Variants in SETD7 observed in about 807,000 individuals in gnomAD.
SETD7 encodes the protein histone-lysine N-methyltransferase SETD7.
SETD7 carries 16 observed loss-of-function variants against 41.8 expected under a neutral mutation model. The observed-to-expected ratio is 0.38, with a 90% confidence interval of 0.26 to 0.58. SETD7 has a LOEUF of 0.58. SETD7 is among the 20% of genes least tolerant of loss of function. The pLI is 0.64. For missense variants in SETD7, 346 were observed against 459.7 expected, an observed-to-expected ratio of 0.75 and a Z score of 2.26; for synonymous variants, 163 against 169.7, an observed-to-expected ratio of 0.96 and a Z score of 0.31.
Position 139,511,226 on chromosome 4 carries a change from G to GT in SETD7, c.*436dup, listed in dbSNP as rs1726861682. ...ACTACATTTAGAGAATAAAGATGTA[G>GT]TAATTGTCAACCCTTAATACGGCAC... On this transcript the variant is annotated 3_prime_UTR_variant, in exon 8 of 8. Coordinates refer to ENST00000274031, the MANE Select transcript of SETD7 (RefSeq NM_030648.4). 1 of 181,836 alleles carries GT rather than the reference G, an allele frequency of 5.5e-6. No homozygotes were observed. Among genetic ancestry groups the GT allele is most frequent in the Non-Finnish European group, 1.1e-5 (1 of 88,452 alleles). The allele number at this position is 181,836 out of a possible 1,614,324, so 11.3% of individuals were successfully genotyped here.
chr4:139,502,168 A>G (rs1726593904), downstream of SETD7, among the ~76,000 whole-genome samples: 1 of 152,228 alleles, frequency 6.6e-6, no homozygotes, highest in African/African-American at 2.4e-5. Context: ...CTCTACGAGT[A>G]TTTATTGAGT....
intron 7 of SETD7, among the ~76,000 whole-genome samples, chr4:139,513,419 C>CAAAAAAAAA (rs201888132): frequency 2.6e-4 from 22 of 83,368 alleles, no homozygotes; most frequent in Non-Finnish European, 4.8e-4. Context: ...GACTTTGTCT[C>CAAAAAAAAA]AAAAAAAAAA....
chr4:139,548,476 CA>C (rs1259826529), intron 1 of SETD7, among the ~76,000 whole-genome samples: 24 of 151,950 alleles, frequency 1.6e-4, no homozygotes, highest in Non-Finnish European at 3.2e-4. Flanking sequence ...ACTAAAAATA[CA>C]AAAAATTAGC....
At chr4:139,549,526 T>TCCTTCCTTCCTTCCTTCCTC (rs1198528749) in intron 1 of SETD7, among the ~76,000 whole-genome samples, 24 of 151,730 alleles carry the variant, frequency 1.6e-4, no homozygotes, top group Admixed American at 1.4e-3. Context: ...CTTCCTTCCT[T>TCCTTCCTTCCTTCCTTCCTC]CCTCCCTTTT....
At position 139,511,544 on chromosome 4, in the gene SETD7, C is replaced by A; in HGVS notation, c.*119G>T. 1 of 1,562,736 alleles carries A rather than the reference C, an allele frequency of 6.4e-7. No homozygotes were observed. The highest frequency in any genetic ancestry group is 8.6e-7 in the Non-Finnish European group (1 of 1,160,648). ...GTATGCGAGAAAGTCGTTGCTAACG[C>A]ATGGTGAGAGGATGTGACGTCACAG... On this transcript the variant is annotated 3_prime_UTR_variant, in exon 8 of 8. Coordinates refer to ENST00000274031, the MANE Select transcript of SETD7 (RefSeq NM_030648.4).
At position 139,519,009 on chromosome 4, in the gene SETD7, G is replaced by A. The variant is rs547675272; in HGVS notation, c.763-967C>T. Among the ~76,000 whole-genome samples the A allele has an allele frequency of 4.3e-4, 66 of 152,330 alleles. 1 individual carries two copies. The South Asian group carries it at 7.0e-3, about 16-fold the overall frequency. On this transcript the variant is annotated intron_variant, in intron 6 of 7. Coordinates refer to ENST00000274031, the MANE Select transcript of SETD7 (RefSeq NM_030648.4). ...ATTGTAATTGTGCTTTTATTCATAT[G>A]TGATAGTCCCTCAACTGATGTTTAC...
intron 1 of SETD7, among the ~76,000 whole-genome samples, chr4:139,551,714 T>C (rs1312012174): frequency 1.3e-5 from 2 of 152,098 alleles, no homozygotes; most frequent in African/African-American, 2.4e-5. Flanking sequence ...CACTAGAACA[T>C]TGCTTTAAAA....
At chr4:139,545,925 G>A (rs1727931005) in intron 2 of SETD7, among the ~76,000 whole-genome samples, 2 of 152,178 alleles carry the variant, frequency 1.3e-5, no homozygotes, top group African/African-American at 4.8e-5. Flanking sequence ...CCCTTTTGCG[G>A]CTCTGAATTC....
At chr4:139,534,086 T>G (rs1727568940) in intron 2 of SETD7, among the ~76,000 whole-genome samples, 1 of 152,136 alleles carries the variant, frequency 6.6e-6, no homozygotes, top group Admixed American at 6.5e-5. Context: ...AGCATCCTGA[T>G]AGTTTGAGAC....
intron 2 of SETD7, among the ~76,000 whole-genome samples, chr4:139,534,394 ATT>A (rs907437138): frequency 1.9e-3 from 279 of 150,634 alleles, no homozygotes; most frequent in South Asian, 7.0e-3. Context: ...TCAACTAGTA[ATT>A]TTTTTTTTCG....
At chr4:139,547,100 CATCTGACGTCTAAGCA>C in intron 1 of SETD7, 51 bp from the exon 2 acceptor site, 1 of 1,599,900 alleles carries the variant, frequency 6.3e-7, no homozygotes, top group East Asian at 2.2e-5. Flanking sequence ...GTGCTCCTCC[CATCTGACGTCTAAGCA>C]TTCAGATGCT....
At chr4:139,552,984 C>T (rs1329523346) in intron 1 of SETD7, among the ~76,000 whole-genome samples, 1 of 152,150 alleles carries the variant, frequency 6.6e-6, no homozygotes, top group Non-Finnish European at 1.5e-5. Context: ...AACTAAACAT[C>T]ACTCTTCACT....
chr4:139,535,656 G>A (rs1403360816), intron 2 of SETD7, among the ~76,000 whole-genome samples: 3 of 152,214 alleles, frequency 2.0e-5, no homozygotes, highest in African/African-American at 4.8e-5. Context: ...ATCAGAGTAC[G>A]AAGAACAAAC....
At position 139,520,289 on chromosome 4, in the gene SETD7, A is replaced by C. The variant is rs1412375869; in HGVS notation, c.750T>G (p.Ile250Met). 6.3e-7 allele frequency: 1 copy of C among 1,583,410 alleles called. No individual in the cohort carries two copies. The change falls in exon 6 of 8, where the codon ATT becomes ATG. Residue 250 changes from isoleucine (I) to methionine (M), a missense_variant. Coordinates refer to ENST00000274031, the MANE Select transcript of SETD7 (RefSeq NM_030648.4). ...CAGCCCCACTCACCTCTTGGTGTGT[A>C]ATTCGAACTCCATTATAAAAAGACA... is the stretch of plus-strand genomic sequence containing the variant. ...TVMSFYNGVR[I>M]THQEVDSRDW...
chr4:139,514,835 T>C (rs1014732571), intron 7 of SETD7, among the ~76,000 whole-genome samples: 1 of 152,220 alleles, frequency 6.6e-6, no homozygotes, highest in Admixed American at 6.5e-5. Context: ...AGATTGCGTT[T>C]CAAACAGCTT....
Position 139,529,142 on chromosome 4 carries a change from C to T in SETD7, c.451G>A (p.Glu151Lys), listed in dbSNP as rs1267650451. ...AATTTCCCATAAAGTGCGGTCCTCT[C>T]ATCAGGGTACACATAGGCTATCTTC... ...GEKIAYVYPDERTALYGKFID... is the reference protein window; with the variant it reads ...GEKIAYVYPDKRTALYGKFID... Residue 151 changes from glutamate (E) to lysine (K), a missense_variant, in exon 4 of 8, where the codon GAG becomes AAG. Around this residue, in one of 3 missense-constraint regions of SETD7, gnomAD observed 266 missense variants for 377.0 expected, o/e 0.71. Coordinates refer to ENST00000274031, the MANE Select transcript of SETD7 (RefSeq NM_030648.4). The T allele has an allele frequency of 2.5e-6, 4 of 1,614,000 alleles. No individual in the cohort carries two copies. The highest frequency in any genetic ancestry group is 1.1e-5 in the South Asian group (1 of 91,090).
In SETD7 at chr4:139,555,510, C is replaced by G. The variant is rs2111184601; in HGVS notation, c.40+588G>C. Among the ~76,000 whole-genome samples, 1 of 152,224 alleles carries G rather than the reference C, an allele frequency of 6.6e-6. No individual in the cohort carries two copies. The highest frequency in any genetic ancestry group is 2.0e-4 in the East Asian group (1 of 5,128). Reference sequence around the variant, plus strand: ...TCGAGTCCCGGGTCGGGAGACTTGTCCGTCGCCCGACAATGATTTCATCTT... The same window carrying G: ...TCGAGTCCCGGGTCGGGAGACTTGTGCGTCGCCCGACAATGATTTCATCTT... On this transcript the variant is annotated intron_variant, in intron 1 of 7. Coordinates refer to ENST00000274031, the MANE Select transcript of SETD7 (RefSeq NM_030648.4). The surrounding 1 kb of genome is among the most constrained non-coding windows in gnomAD (Gnocchi z 4.0).
chr4:139,545,367 T>C (rs912375659), intron 2 of SETD7, among the ~76,000 whole-genome samples: 11 of 152,142 alleles, frequency 7.2e-5, no homozygotes, highest in African/African-American at 2.6e-4. Context: ...GCTCAAACAA[T>C]CCTCCTGCCT....
intron 4 of SETD7, among the ~76,000 whole-genome samples, chr4:139,524,687 T>G (rs367594366): frequency 6.6e-6 from 1 of 152,102 alleles, no homozygotes; most frequent in Non-Finnish European, 1.5e-5. Context: ...GCCTGAAAAA[T>G]GCAGGCTGCA....
Sources: gnomAD v4.1 joint callset for allele counts (sites outside exome capture counted in the v4.1 genomes callset) on GRCh38, gnomAD v4.1.1 for gene constraint, gnomAD v4.1.1 regional missense constraint, Gnocchi (gnomAD v3.1) non-coding constraint, MANE v1.5 for transcripts, NCBI Gene and HGNC (gene_info 2026-07-23, HGNC 2026-07-21) for gene names.